RECK: variants seen among roughly 807,000 people sequenced by gnomAD.
RECK encodes reversion-inducing cysteine-rich protein with Kazal motifs.
In RECK, 69 loss-of-function variants were observed where a neutral mutation model predicts 115.1. That is an observed-to-expected ratio of 0.60 (90% CI 0.49 to 0.73). The LOEUF (loss-of-function observed/expected upper bound fraction) is 0.73, where lower values mean the gene tolerates loss of function less well. Among genes scored for constraint, RECK ranks in the 30% least tolerant of loss-of-function variants. The pLI, the probability that RECK is intolerant of heterozygous loss-of-function variation, is 0.00. For synonymous variants in RECK, 414 were observed against 419.7 expected (o/e 0.99, Z 0.17); for missense variants, 1,047 against 1,203.7 (o/e 0.87, Z 1.93).
At chr9:36,057,558 G>C (rs989199006) in intron 2 of RECK, among the ~76,000 whole-genome samples, 1 of 152,178 alleles carries the variant, frequency 6.6e-6, no homozygotes, top group African/African-American at 2.4e-5. Context: ...AGGCTCATGC[G>C]TGTGGTCCCA....
intron 4 of RECK, among the ~76,000 whole-genome samples, chr9:36,060,681 G>T (rs1308050143): frequency 6.6e-6 from 1 of 151,990 alleles, no homozygotes; most frequent in Non-Finnish European, 1.5e-5. Flanking sequence ...GAGCCGTAAG[G>T]ACTATGGTTA....
chr9:36,052,183 A>G (rs1394928044), intron 1 of RECK, 82 bp from the exon 2 acceptor site: 1 of 819,016 alleles, frequency 1.2e-6, no homozygotes, highest in East Asian at 2.5e-5. Flanking sequence ...TACTGAATAA[A>G]TGGTTTGTGT....
chr9:36,083,281 C>A, intron 7 of RECK, 84 bp from the exon 8 acceptor site: 2 of 1,351,092 alleles, frequency 1.5e-6, no homozygotes, highest in South Asian at 1.3e-5. Flanking sequence ...TTTAGAAAGA[C>A]ATATTGTTCC....
At chr9:36,052,820 TGATCCTGGATTG>T (rs1272434245) in intron 2 of RECK, among the ~76,000 whole-genome samples, 1 of 152,202 alleles carries the variant, frequency 6.6e-6, no homozygotes, top group Non-Finnish European at 1.5e-5. Context: ...ATGCAATTTG[TGATCCTGGATTG>T]GATCCTGGAA....
intron 9 of RECK, among the ~76,000 whole-genome samples, chr9:36,090,193 G>C (rs1192056028): frequency 6.6e-6 from 1 of 151,938 alleles, no homozygotes; most frequent in Non-Finnish European, 1.5e-5. Flanking sequence ...TTAAGGACTA[G>C]AAAAAAGAAA....
chr9:36,069,480 CAAAAAAA>C (rs60192603), intron 6 of RECK, among the ~76,000 whole-genome samples: 143 of 84,974 alleles, frequency 1.7e-3, no homozygotes, highest in African/African-American at 3.7e-3. Flanking sequence ...GTGGAGGTTG[CAAAAAAA>C]AAAAAAAAAA....
At chr9:36,038,670 A>G (rs1820758916) in intron 1 of RECK, among the ~76,000 whole-genome samples, 1 of 152,240 alleles carries the variant, frequency 6.6e-6, no homozygotes, top group African/African-American at 2.4e-5. Context: ...TCCAGCATTT[A>G]GCGTAGTAAG....
At chr9:36,058,455 G>T (rs1230380247) in intron 2 of RECK, among the ~76,000 whole-genome samples, 5 of 124,374 alleles carry the variant, frequency 4.0e-5, no homozygotes, top group Non-Finnish European at 6.5e-5. Flanking sequence ...TGAACAATGA[G>T]AACACATGGA....
At chr9:36,052,079 A>G (rs900518982) in intron 1 of RECK, among the ~76,000 whole-genome samples, 186 bp from the exon 2 acceptor site, 2 of 152,152 alleles carry the variant, frequency 1.3e-5, no homozygotes, top group Admixed American at 6.5e-5. Context: ...GAGGACAGGG[A>G]CCATGTCCTC....
At chr9:36,048,967 G>A (rs933125528) in intron 1 of RECK, among the ~76,000 whole-genome samples, 10 of 152,158 alleles carry the variant, frequency 6.6e-5, no homozygotes, top group African/African-American at 1.4e-4. Flanking sequence ...ATAAATCCAC[G>A]GTTCCCATGA....
Position 36,080,650 on chromosome 9 carries a change from T to G in RECK, c.439+12T>G. 6.2e-7 allele frequency: 1 copy of G among 1,608,598 alleles called. No individual in the cohort carries two copies. Among genetic ancestry groups the G allele is most frequent in the Non-Finnish European group, 8.5e-7 (1 of 1,176,752 alleles). The stretch of plus-strand genomic sequence containing the variant: ...TAGCAGAAATGAAAGTAAGTATATT[T>G]GTCAATGGTTGTACAAACAGTCCAA... On this transcript the variant is annotated intron_variant, in intron 7 of 20. Transcript: ENST00000377966.
At chr9:36,116,180 G>T (rs1824255811) in intron 16 of RECK, among the ~76,000 whole-genome samples, 2 of 150,556 alleles carry the variant, frequency 1.3e-5, no homozygotes, top group Admixed American at 1.3e-4. Flanking sequence ...CCAGGCTGGG[G>T]TGCAATGGCG....
chr9:36,052,298 A>G lies in RECK; in HGVS notation c.134A>G (p.Gln45Arg). Residue 45 changes from glutamine (Q) to arginine (R), a missense_variant, in exon 2 of 21, where the codon CAA (glutamine) becomes CGA (arginine). By Grantham distance (43) the Gln-to-Arg change is conservative (BLOSUM62 1). Transcript: ENST00000377966. ...ALCCNHSKDN[Q>R]MCRDVCEQIF... Reference sequence around the variant, plus strand: ...TGTTGTAATCATTCAAAGGATAACCAAATGTGCCGTGATGTATGTGAACAG... The same window carrying G: ...TGTTGTAATCATTCAAAGGATAACCGAATGTGCCGTGATGTATGTGAACAG... The G allele has an allele frequency of 1.2e-6, 2 of 1,610,524 alleles. No homozygotes were observed. Among genetic ancestry groups the G allele is most frequent in the Middle Eastern group, 1.7e-4 (1 of 6,050 alleles).
At chr9:36,121,246 C>T (rs1480699884) in intron 19 of RECK, among the ~76,000 whole-genome samples, 2 of 152,224 alleles carry the variant, frequency 1.3e-5, no homozygotes, top group African/African-American at 4.8e-5. Flanking sequence ...TGATTACAAA[C>T]ACCTGTATTT....
chr9:36,097,105 C>T (rs1823376521), intron 10 of RECK, among the ~76,000 whole-genome samples: 1 of 152,172 alleles, frequency 6.6e-6, no homozygotes, highest in African/African-American at 2.4e-5. Context: ...AGGTGGATCA[C>T]TTGAGGTCAA....
intron 4 of RECK, 116 bp from the exon 5 acceptor site, chr9:36,063,679 A>G: frequency 2.4e-6 from 2 of 845,722 alleles, no homozygotes; most frequent in Non-Finnish European, 1.9e-6. Context: ...TGCTGTCTGA[A>G]CCAGTTTTCT....
chr9:36,103,416 C>T (rs902146272), intron 12 of RECK, among the ~76,000 whole-genome samples: 1 of 152,220 alleles, frequency 6.6e-6, no homozygotes, highest in Non-Finnish European at 1.5e-5. Context: ...ACTTAATGTA[C>T]TTTGTCATCA....
intron 16 of RECK, among the ~76,000 whole-genome samples, chr9:36,115,682 A>G (rs542610650): frequency 1.6e-4 from 25 of 152,188 alleles, no homozygotes; most frequent in South Asian, 6.2e-4. Flanking sequence ...TTGTAATTTC[A>G]AACCATTTCA....
intron 17 of RECK, among the ~76,000 whole-genome samples, chr9:36,117,700 G>A (rs977399882): frequency 6.6e-6 from 1 of 152,106 alleles, no homozygotes; most frequent in Admixed American, 6.6e-5. Flanking sequence ...GAAAAAAACT[G>A]GGCCGGGCGC....
Sources: gnomAD v4.1 joint callset for allele counts (sites outside exome capture counted in the v4.1 genomes callset) on GRCh38, gnomAD v4.1.1 for gene constraint, MANE v1.5 for transcripts, NCBI Gene and HGNC (gene_info 2026-07-23, HGNC 2026-07-21) for gene names.